Variants in RERE observed in about 807,000 individuals in gnomAD.
The protein encoded by RERE is arginine-glutamic acid dipeptide repeats, also known as arginine-glutamic acid dipeptide repeats protein.
RERE carries 40 observed loss-of-function variants against 146.1 expected under a neutral mutation model. The observed-to-expected ratio is 0.27, with a 90% CI of 0.21 to 0.36. RERE has a LOEUF of 0.36. Ranked by LOEUF, RERE falls within the 10% of genes least tolerant of loss-of-function variation. The pLI is 1.00. For missense variants in RERE, 1,933 were observed against 2,138.7 expected, an observed-to-expected ratio of 0.90 and a Z score of 1.90; for synonymous variants, 1,003 against 866.0, an observed-to-expected ratio of 1.16 and a Z score of -2.78.
At chr1:8,531,067 AT>A (rs1645645143) in intron 7 of RERE, among the ~76,000 whole-genome samples, 1 of 142,456 alleles carries the variant, frequency 7.0e-6, no homozygotes, top group South Asian at 2.2e-4. Context: ...CTATCTATCT[AT>A]CTAACTTTCT....
intron 1 of RERE, among the ~76,000 whole-genome samples, chr1:8,807,659 T>A (rs1375680715): frequency 1.3e-5 from 2 of 152,192 alleles, no homozygotes; most frequent in Non-Finnish European, 2.9e-5. Flanking sequence ...CAATGAAGAT[T>A]AAAAGTTACA....
At chr1:8,601,778 A>C (rs200091363) in intron 4 of RERE, among the ~76,000 whole-genome samples, 410 of 83,202 alleles carry the variant, frequency 4.9e-3, no homozygotes, top group African/African-American at 0.016. Context: ...CACACACACA[A>C]ACACACACAC....
In RERE at chr1:8,686,546, T is replaced by TC. The variant is rs1489667049; in HGVS notation, c.-144-30106dup. Among the ~76,000 whole-genome samples the TC allele has an allele frequency of 2.0e-5, 3 of 152,160 alleles. No homozygotes were observed. In the East Asian group the frequency reaches 5.8e-4, roughly 29 times the overall value. Reference sequence around the variant, plus strand: ...GGGTGGATCACCTGAGGTCAGGAGTTCAAGACCAGCCTGGCCAACATGGTG... The same window carrying TC: ...GGGTGGATCACCTGAGGTCAGGAGTTCCAAGACCAGCCTGGCCAACATGGTG... On this transcript the variant is annotated intron_variant, in intron 1 of 22. Transcript: ENST00000400908.
At position 8,422,821 on chromosome 1, in the gene RERE, A is replaced by T. The variant is rs1388653990; in HGVS notation, c.1204-14T>A. The stretch of plus-strand genomic sequence containing the variant: ...AACGAAGCGTTTCTGTGATAAAAAG[A>T]AACAAATGGGATGTAAAAACCAAAA... On this transcript the variant is annotated splice_polypyrimidine_tract_variant and intron_variant, in intron 11 of 22. Transcript: ENST00000400908. 6.2e-7 allele frequency: 1 copy of T among 1,604,226 alleles called. No individual in the cohort carries two copies.
In RERE at chr1:8,356,029, G is replaced by A. The variant is rs1641276600; in HGVS notation, c.4486+71C>T. 4.3e-6 allele frequency: 6 copies of A among 1,411,428 alleles called. No individual in the cohort carries two copies. The South Asian group carries it at 9.4e-5, about 22-fold the overall frequency. 87.4% of individuals were successfully genotyped at this position (1,411,428 alleles called of 1,614,324 possible). On this transcript the variant is annotated intron_variant, in intron 21 of 22. Transcript: ENST00000400908. The surrounding 1 kb of genome is among the most constrained non-coding windows in gnomAD (Gnocchi z 5.2). ...ATGAATGAATGAATGAGTAATGAAT[G>A]AAGACAGCAGACCAGACCCCAACCC...
chr1:8,388,614 C>T (rs565924142), intron 12 of RERE, among the ~76,000 whole-genome samples: 4 of 152,266 alleles, frequency 2.6e-5, no homozygotes, highest in South Asian at 2.1e-4. Flanking sequence ...CCACCGCGCC[C>T]GGCCCAGTCT....
intron 10 of RERE, among the ~76,000 whole-genome samples, chr1:8,492,219 A>G (rs1041148115): frequency 2.0e-5 from 3 of 152,230 alleles, no homozygotes; most frequent in African/African-American, 7.2e-5. Flanking sequence ...TGGGAGTGCT[A>G]ACAAAACCTT....
At chr1:8,470,624 G>A (rs370880051) in intron 10 of RERE, among the ~76,000 whole-genome samples, 4 of 151,960 alleles carry the variant, frequency 2.6e-5, no homozygotes, top group African/African-American at 9.7e-5. Flanking sequence ...ACAGGGGCAA[G>A]TTCAAAACTT....
chr1:8,756,119 A>AC (rs1346300119), intron 1 of RERE, among the ~76,000 whole-genome samples: 4 of 152,108 alleles, frequency 2.6e-5, no homozygotes, highest in Admixed American at 2.0e-4. Context: ...ACATAGCGAG[A>AC]CCCCATCTCC....
intron 8 of RERE, among the ~76,000 whole-genome samples, chr1:8,498,766 C>CACACACACACACACACAG (rs1056858982): frequency 6.0e-5 from 9 of 149,276 alleles, no homozygotes; most frequent in African/African-American, 2.2e-4. Context: ...CACACACACA[C>CACACACACACACACACAG]ACATATGTAG....
chr1:8,434,173 AG>A (rs1228264960), intron 11 of RERE, among the ~76,000 whole-genome samples: 1 of 152,178 alleles, frequency 6.6e-6, no homozygotes, highest in South Asian at 2.1e-4. Context: ...CATAACACAA[AG>A]GGTGACTGAA....
chr1:8,807,067 G>A (rs1050596693), intron 1 of RERE: 1 of 152,132 alleles, frequency 6.6e-6, no homozygotes, highest in Non-Finnish European at 1.5e-5. Flanking sequence ...TTTTGTTGTT[G>A]TTGAGACAGG....
At chr1:8,359,123 C>T (rs1641442326) in intron 19 of RERE, among the ~76,000 whole-genome samples, 1 of 152,222 alleles carries the variant, frequency 6.6e-6, no homozygotes, top group African/African-American at 2.4e-5. Context: ...CCGCAGCTCC[C>T]CTCAGGCCCA....
intron 1 of RERE, among the ~76,000 whole-genome samples, chr1:8,681,436 C>G (rs1254398021): frequency 6.6e-6 from 1 of 152,108 alleles, no homozygotes; most frequent in Non-Finnish European, 1.5e-5. Flanking sequence ...TTTAGCTAAG[C>G]TTTCATTTCT....
intron 4 of RERE, among the ~76,000 whole-genome samples, chr1:8,577,214 TTG>T (rs889877217): frequency 2.0e-5 from 3 of 152,056 alleles, no homozygotes; most frequent in Admixed American, 6.5e-5. Context: ...TTGAATTTTT[TTG>T]TTTTTTTAAA....
At chr1:8,637,155 G>A (rs1647112097) in intron 2 of RERE, among the ~76,000 whole-genome samples, 1 of 152,078 alleles carries the variant, frequency 6.6e-6, no homozygotes, top group Non-Finnish European at 1.5e-5. Context: ...AAAATAGGTT[G>A]ATTCAACTAT....
chr1:8,558,112 C>T (rs1458584122), intron 4 of RERE, among the ~76,000 whole-genome samples: 1 of 152,088 alleles, frequency 6.6e-6, no homozygotes, highest in Non-Finnish European at 1.5e-5. Flanking sequence ...TACTATGAGT[C>T]CAGAGACCTC....
At chr1:8,789,301 A>AATATATATATATATATAT (rs1553149622) in intron 1 of RERE, among the ~76,000 whole-genome samples, 2 of 24,810 alleles carry the variant, frequency 8.1e-5, no homozygotes, top group African/African-American at 2.3e-4. Context: ...AAAAAAAAAA[A>AATATATATATATATATAT]ATATATATAT....
rs548890888 is a variant in RERE, at chr1:8,450,373, A to G, written c.1203+15552T>C. On this transcript the variant is annotated intron_variant, in intron 11 of 22. Coordinates refer to ENST00000400908, the MANE Select transcript of RERE (RefSeq NM_001042681.2). ...ACAGCCACCGAGAAGCACAGCACCC[A>G]GCAGAGCTGCGTGTGGAGGCAACGC... Among the ~76,000 whole-genome samples the G allele has an allele frequency of 3.8e-4, 58 of 151,170 alleles. No homozygotes were observed. In the South Asian group the frequency reaches 0.012, roughly 31 times the overall value.
Sources: gnomAD v4.1 joint callset for allele counts (sites outside exome capture counted in the v4.1 genomes callset) on GRCh38, gnomAD v4.1.1 for gene constraint, Gnocchi (gnomAD v3.1) non-coding constraint, MANE v1.5 for transcripts, NCBI Gene and HGNC (gene_info 2026-07-23, HGNC 2026-07-21) for gene names.